CNKSR2: variants seen among roughly 807,000 people sequenced by gnomAD.
CNKSR2 encodes connector enhancer of kinase suppressor of Ras 2, also known as CNK homolog protein 2.
CNKSR2 carries 14 observed loss-of-function variants against 84.4 expected under a neutral mutation model. That is an observed-to-expected ratio of 0.17 (90% CI 0.11 to 0.26). CNKSR2 has a LOEUF of 0.26. Among genes scored for constraint, CNKSR2 ranks in the 10% least tolerant of loss-of-function variants. CNKSR2 has a pLI of 1.00. For synonymous variants in CNKSR2, 275 were observed against 277.9 expected (o/e 0.99, Z 0.10); for missense variants, 485 against 771.2 (o/e 0.63, Z 4.40).
intron 1 of CNKSR2, among the ~76,000 whole-genome samples, chrX:21,380,349 A>G (rs1827603771): frequency 9.0e-6 from 1 of 111,270 alleles, no homozygotes; most frequent in Non-Finnish European, 1.9e-5. Flanking sequence ...AAGAATGGAA[A>G]TAGACTTTTA....
chrX:21,648,935 A>G lies in CNKSR2; in HGVS notation c.2797A>G (p.Met933Val). 1 of 1,194,182 alleles carries G rather than the reference A, an allele frequency of 8.4e-7. No homozygotes were observed. Among genetic ancestry groups the G allele is most frequent in the Non-Finnish European group, 1.1e-6 (1 of 880,821 alleles). The change falls in exon 21 of 22, where the codon ATG becomes GTG. Residue 933 changes from methionine to valine, a missense_variant. Met to Val is a conservative substitution (Grantham distance 21). Coordinates refer to ENST00000379510, the MANE Select transcript of CNKSR2 (RefSeq NM_014927.5). ...PLGEHRISTK[M>V]EYKLSFIKRC... Reference sequence around the variant, plus strand: ...AGGAGAACATCGTATTTCAACCAAGATGGAATACAAGCTATCATTTATAAA... The same window carrying G: ...AGGAGAACATCGTATTTCAACCAAGGTGGAATACAAGCTATCATTTATAAA...
At chrX:21,650,811 A>G (rs2092719166) in intron 21 of CNKSR2, among the ~76,000 whole-genome samples, 1 of 112,307 alleles carries the variant, frequency 8.9e-6, no homozygotes, top group Non-Finnish European at 1.9e-5. Flanking sequence ...TAGTCATGCA[A>G]ATACTACTGC....
chrX:21,645,810 T>A (rs1359673288), intron 20 of CNKSR2: 1 of 111,759 alleles, frequency 8.9e-6, no homozygotes, highest in East Asian at 2.8e-4. Context: ...TTTCATATTT[T>A]CAGTTGCAAC....
At chrX:21,571,672 G>A (rs937999874) in intron 13 of CNKSR2, among the ~76,000 whole-genome samples, 3 of 112,107 alleles carry the variant, frequency 2.7e-5, no homozygotes, top group African/African-American at 9.7e-5. Context: ...ACACCTTTGT[G>A]TGACTAAAGC....
At chrX:21,562,272 G>A (rs5951606) in intron 12 of CNKSR2, among the ~76,000 whole-genome samples, 3 of 111,145 alleles carry the variant, frequency 2.7e-5, no homozygotes, top group Non-Finnish European at 3.8e-5. Context: ...GTAGAGAGCC[G>A]TAAGGTCGTA....
chrX:21,393,632 G>A (rs2146970503), intron 1 of CNKSR2, among the ~76,000 whole-genome samples: 1 of 112,411 alleles, frequency 8.9e-6, no homozygotes, highest in East Asian at 2.8e-4. Context: ...ATTAACGACA[G>A]AATGTTAGAA....
chrX:21,502,518 TTAAC>T (rs1383494512), intron 8 of CNKSR2, among the ~76,000 whole-genome samples: 1 of 110,338 alleles, frequency 9.1e-6, no homozygotes, highest in Non-Finnish European at 1.9e-5. Flanking sequence ...ATTACACAAT[TTAAC>T]TAAATTTGCT....
At chrX:21,415,914 C>A (rs1410258476) in intron 1 of CNKSR2, among the ~76,000 whole-genome samples, 2 of 105,448 alleles carry the variant, frequency 1.9e-5, no homozygotes, top group Admixed American at 2.1e-4. Context: ...TCTTCCTTTC[C>A]AATTTGGATG....
intron 8 of CNKSR2, among the ~76,000 whole-genome samples, chrX:21,512,675 G>C (rs889574739): frequency 9.0e-6 from 1 of 111,335 alleles, no homozygotes; most frequent in African/African-American, 3.3e-5. Flanking sequence ...CTATTTGTTA[G>C]GACACAAAAT....
chrX:21,600,444 A>G (rs2092475464), intron 17 of CNKSR2, among the ~76,000 whole-genome samples: 1 of 112,311 alleles, frequency 8.9e-6, no homozygotes, highest in Admixed American at 9.4e-5. Context: ...TGATTTGGGA[A>G]AGTATATGGA....
At chrX:21,384,938 G>A (rs2089947561) in intron 1 of CNKSR2, among the ~76,000 whole-genome samples, 1 of 111,561 alleles carries the variant, frequency 9.0e-6, no homozygotes, top group Admixed American at 9.5e-5. Flanking sequence ...TATAGGTAAA[G>A]TACAGAGAAG....
chrX:21,386,484 A>G (rs2089971852), intron 1 of CNKSR2, among the ~76,000 whole-genome samples: 1 of 112,162 alleles, frequency 8.9e-6, no homozygotes, highest in Non-Finnish European at 1.9e-5. Context: ...TATTTGACCA[A>G]TGGAGTGCTT....
At chrX:21,560,944 T>C (rs2092182659) in intron 11 of CNKSR2, among the ~76,000 whole-genome samples, 1 of 110,733 alleles carries the variant, frequency 9.0e-6, no homozygotes, top group South Asian at 3.8e-4. Flanking sequence ...AATCTAACCA[T>C]ATTTTTGAGG....
chrX:21,377,088 A>G (rs1177348030), intron 1 of CNKSR2, among the ~76,000 whole-genome samples: 1 of 112,105 alleles, frequency 8.9e-6, no homozygotes, highest in Non-Finnish European at 1.9e-5. Flanking sequence ...TTGGTGACGC[A>G]TTTTAGAGCT....
intron 9 of CNKSR2, among the ~76,000 whole-genome samples, chrX:21,521,856 G>A (rs1382162607): frequency 2.7e-5 from 3 of 110,680 alleles, no homozygotes; most frequent in East Asian, 2.8e-4. Flanking sequence ...CAAACCTTTT[G>A]TATTTATAAA....
intron 8 of CNKSR2, among the ~76,000 whole-genome samples, chrX:21,513,258 T>C (rs972621682): frequency 2.7e-5 from 3 of 111,514 alleles, no homozygotes; most frequent in African/African-American, 9.8e-5. Flanking sequence ...TAGAAAGATG[T>C]GTAACACTTA....
intron 5 of CNKSR2, among the ~76,000 whole-genome samples, chrX:21,490,045 T>C (rs1336057780): frequency 8.9e-6 from 1 of 111,764 alleles, no homozygotes; most frequent in East Asian, 2.8e-4. Flanking sequence ...GATTCATCTT[T>C]CCTGGATCTT....
At chrX:21,485,995 C>T (rs929287986) in intron 5 of CNKSR2, among the ~76,000 whole-genome samples, 1 of 110,743 alleles carries the variant, frequency 9.0e-6, no homozygotes, top group South Asian at 3.8e-4. Flanking sequence ...AGTAGCCGGG[C>T]GTGGTGGCGT....
intron 20 of CNKSR2, chrX:21,645,912 C>T (rs778612206): frequency 2.6e-4 from 29 of 111,772 alleles, no homozygotes; most frequent in African/African-American, 8.4e-4. Context: ...CTGTTTTTGT[C>T]TTGAATGTTG....
Sources: gnomAD v4.1 joint callset for allele counts (sites outside exome capture counted in the v4.1 genomes callset) on GRCh38, gnomAD v4.1.1 for gene constraint, MANE v1.5 for transcripts, NCBI Gene and HGNC (gene_info 2026-07-23, HGNC 2026-07-21) for gene names.